Variants in CNTRL observed in about 807,000 individuals in gnomAD.
CNTRL encodes the protein centriolin.
A neutral mutation model predicts 303.7 loss-of-function variants in CNTRL; 233 were observed. That is an observed-to-expected ratio of 0.77 (90% CI 0.69 to 0.86). The LOEUF (loss-of-function observed/expected upper bound fraction) is 0.86. CNTRL is among the 40% of genes least tolerant of loss of function. CNTRL has a pLI of 0.00. For missense variants in CNTRL, 2,524 were observed against 2,650.6 expected, an observed-to-expected ratio of 0.95 and a Z score of 1.05; for synonymous variants, 900 against 922.2, an observed-to-expected ratio of 0.98 and a Z score of 0.44.
At chr9:121,115,050 T>C in intron 10 of CNTRL, 41 bp from the exon 11 acceptor site, 1 of 1,223,038 alleles carries the variant, frequency 8.2e-7, no homozygotes, top group Non-Finnish European at 1.2e-6. Context: ...TCAAGATTTT[T>C]CTTGTTTCAT....
chr9:121,173,173 A>G (rs1182676470), intron 40 of CNTRL, 70 bp from the exon 41 acceptor site: 21 of 1,366,792 alleles, frequency 1.5e-5, no homozygotes, highest in Middle Eastern at 1.8e-4. Flanking sequence ...TACATGGCAC[A>G]TCATACAGCT....
chr9:121,077,458 C>T (rs2047969476), intron 1 of CNTRL, among the ~76,000 whole-genome samples: 1 of 152,088 alleles, frequency 6.6e-6, no homozygotes, highest in Non-Finnish European at 1.5e-5. Flanking sequence ...AACCCCTAAG[C>T]CCACTTCACT....
At chr9:121,119,279 C>T (rs2050119600) in intron 12 of CNTRL, among the ~76,000 whole-genome samples, 1 of 149,960 alleles carries the variant, frequency 6.7e-6, no homozygotes, top group African/African-American at 2.4e-5. Context: ...TCTCTCCTTG[C>T]CTTTTTTTCA....
Position 121,152,592 on chromosome 9 carries a change from A to G in CNTRL, c.4071A>G (p.Glu1357=). 1 of 1,614,052 alleles carries G rather than the reference A, an allele frequency of 6.2e-7. No homozygotes were observed. Among genetic ancestry groups the G allele is most frequent in the Non-Finnish European group, 8.5e-7 (1 of 1,179,884 alleles). Residue 1357 remains glutamate (E), a synonymous_variant, in exon 26 of 44, where the codon GAA becomes GAG. Coordinates refer to ENST00000373855, the MANE Select transcript of CNTRL (RefSeq NM_007018.6). ...ASKRQSEKEM[E]ELHHNIDDLL... ...AGCGGCAGTCGGAGAAAGAAATGGA[A>G]GAACTGCATCATAATATTGATGATC...
At chr9:121,121,755 G>T (rs2050237881) in intron 12 of CNTRL, 6 of 985,058 alleles carry the variant, frequency 6.1e-6, no homozygotes, top group Non-Finnish European at 7.2e-6. Flanking sequence ...GATTGGATGG[G>T]CGGGGCCGCC....
At chr9:121,156,955 T>G (rs2052604325) in intron 27 of CNTRL, among the ~76,000 whole-genome samples, 1 of 152,188 alleles carries the variant, frequency 6.6e-6, no homozygotes, top group East Asian at 1.9e-4. Context: ...TCCCACTTAG[T>G]TGGGTAGATA....
chr9:121,140,218 A>G (rs1339482486), intron 16 of CNTRL, among the ~76,000 whole-genome samples: 5 of 152,224 alleles, frequency 3.3e-5, no homozygotes, highest in Non-Finnish European at 7.3e-5. Flanking sequence ...TTTCAGGTCC[A>G]GCATTTATAT....
chr9:121,103,226 G>A (rs1370692528), intron 7 of CNTRL, among the ~76,000 whole-genome samples: 1 of 152,078 alleles, frequency 6.6e-6, no homozygotes. Flanking sequence ...ACAGAACAGA[G>A]CCCTCAGAAA....
At chr9:121,121,234 A>G (rs540777758) in intron 12 of CNTRL, among the ~76,000 whole-genome samples, 5 of 152,280 alleles carry the variant, frequency 3.3e-5, no homozygotes, top group African/African-American at 9.6e-5. Flanking sequence ...ATTGTGCTGT[A>G]TTTTCCATGT....
chr9:121,078,543 A>G (rs1376374571), intron 1 of CNTRL, among the ~76,000 whole-genome samples: 1 of 152,224 alleles, frequency 6.6e-6, no homozygotes, highest in African/African-American at 2.4e-5. Flanking sequence ...TGGGCACCAC[A>G]GGACTGTCCT....
chr9:121,150,159 T>G lies in CNTRL; in HGVS notation c.3650-11T>G. On this transcript the variant is annotated splice_polypyrimidine_tract_variant and intron_variant, in intron 24 of 43. Coordinates refer to ENST00000373855, the MANE Select transcript of CNTRL (RefSeq NM_007018.6). ...TTTGTTGAATAAACTCTTCTGTTTATTTCTTTGAAGATGCAGACAGTGGAG... is the reference window on the plus strand; with the variant it reads ...TTTGTTGAATAAACTCTTCTGTTTAGTTCTTTGAAGATGCAGACAGTGGAG... The G allele has an allele frequency of 6.3e-7, 1 of 1,590,092 alleles. No homozygotes were observed. The highest frequency in any genetic ancestry group is 8.6e-7 in the Non-Finnish European group (1 of 1,167,528).
At chr9:121,082,990 A>AG in intron 2 of CNTRL, among the ~76,000 whole-genome samples, 2 of 146,428 alleles carry the variant, frequency 1.4e-5, no homozygotes, top group Admixed American at 7.0e-5. Context: ...AAAAAAATAG[A>AG]AAAAGTACAA....
Position 121,092,523 on chromosome 9 carries a change from TAA to T in CNTRL, c.348+2119_348+2120del, listed in dbSNP as rs2048647806. Among the ~76,000 whole-genome samples, 12 of 66,832 alleles carry T rather than the reference TAA, an allele frequency of 1.8e-4. 4 individuals carry two copies. Among genetic ancestry groups the T allele is most frequent in the East Asian group, 1.3e-3 (4 of 3,074 alleles). 43.8% of individuals were successfully genotyped at this position (66,832 alleles called of 152,430 possible). ...TATATATAATATATATCTATATATA[TAA>T]TATATATCTATATATATTATATATA... On this transcript the variant is annotated intron_variant, in intron 4 of 43. Coordinates refer to ENST00000373855, the MANE Select transcript of CNTRL (RefSeq NM_007018.6).
chr9:121,124,754 A>G (rs554445781), intron 13 of CNTRL, among the ~76,000 whole-genome samples: 4 of 145,844 alleles, frequency 2.7e-5, no homozygotes, highest in South Asian at 4.5e-4. Context: ...CATGGGCAAC[A>G]TGGCGAAACC....
rs1267473962 is a variant in CNTRL, at chr9:121,092,726, T to G, written c.349-2162T>G. Among the ~76,000 whole-genome samples, 7 of 42,832 alleles carry G rather than the reference T, an allele frequency of 1.6e-4. 1 individual carries two copies. The highest frequency in any genetic ancestry group is 5.4e-4 in the African/African-American group (7 of 13,058). 28.1% of individuals were successfully genotyped at this position (42,832 alleles called of 152,430 possible). On this transcript the variant is annotated intron_variant, in intron 4 of 43. Transcript: ENST00000373855. ...TCTATATATATAATATATATCTATATATATATAATATATATCTATATATAA... is the reference window on the plus strand; with the variant it reads ...TCTATATATATAATATATATCTATAGATATATAATATATATCTATATATAA...
At chr9:121,131,593 A>G (rs1186979546) in intron 14 of CNTRL, among the ~76,000 whole-genome samples, 7 of 152,162 alleles carry the variant, frequency 4.6e-5, no homozygotes, top group African/African-American at 1.4e-4. Flanking sequence ...CCAATTTGCC[A>G]GTCTGTGTCT....
intron 15 of CNTRL, 142 bp downstream of exon 15, chr9:121,136,124 G>A: frequency 1.4e-6 from 1 of 712,070 alleles, no homozygotes. Flanking sequence ...GAATTTTGGA[G>A]TCAGACATTG....
rs1374085252 is a variant in CNTRL, at chr9:121,148,660, CA to C, written c.3460-11del. On this transcript the variant is annotated splice_polypyrimidine_tract_variant and intron_variant, in intron 23 of 43. Coordinates refer to ENST00000373855, the MANE Select transcript of CNTRL (RefSeq NM_007018.6). ...TATAATAGATAGTGTGCTCTGCTGT[CA>C]TTTGTTTTAGGTTTCCAGCCATAGT... 3 of 1,608,328 alleles carry C rather than the reference CA, an allele frequency of 1.9e-6. No individual in the cohort carries two copies. Among genetic ancestry groups the C allele is most frequent in the Non-Finnish European group, 2.6e-6 (3 of 1,176,056 alleles).
chr9:121,155,150 G>A (rs1588288057), intron 27 of CNTRL, among the ~76,000 whole-genome samples: 2 of 151,992 alleles, frequency 1.3e-5, no homozygotes, highest in Non-Finnish European at 2.9e-5. Flanking sequence ...TAGGCTTTTC[G>A]GCATGGATTA....
Sources: allele counts gnomAD v4.1 joint callset (sites outside exome capture counted in the v4.1 genomes callset), GRCh38; gene constraint gnomAD v4.1.1; transcripts MANE v1.5; gene names NCBI Gene and HGNC (gene_info 2026-07-23, HGNC 2026-07-21).